The following RHPN2 variants were observed in gnomAD, a reference collection of about 807,000 sequenced individuals.
RHPN2 encodes rhophilin-2.
In RHPN2, 40 loss-of-function variants were observed where a neutral mutation model predicts 79.0. The observed-to-expected ratio is 0.51, with a 90% confidence interval of 0.39 to 0.66. The LOEUF (loss-of-function observed/expected upper bound fraction) is 0.66. RHPN2 is among the 30% of genes least tolerant of loss of function. The pLI, the probability that RHPN2 is intolerant of heterozygous loss-of-function variation, is 0.00. For synonymous variants in RHPN2, 285 were observed against 363.5 expected, an observed-to-expected ratio of 0.78 and a Z score of 2.46; for missense variants, 686 against 883.5, an observed-to-expected ratio of 0.78 and a Z score of 2.83.
intron 7 of RHPN2, among the ~76,000 whole-genome samples, chr19:33,003,994 C>A (rs538718499): frequency 6.6e-6 from 1 of 152,278 alleles, no homozygotes; most frequent in African/African-American, 2.4e-5. Context: ...GGGCAACGTA[C>A]TGAGACCCCT....
chr19:33,009,107 G>T (rs12975292), intron 6 of RHPN2, among the ~76,000 whole-genome samples: 1 of 151,768 alleles, frequency 6.6e-6, no homozygotes, highest in African/African-American at 2.4e-5. Flanking sequence ...AGGACTTAGG[G>T]GGAGGGAGGG....
chr19:32,996,187 T>C lies in RHPN2; in HGVS notation c.1259A>G (p.His420Arg), dbSNP rs1474675667. ...GCTGGCCTCCCGCACCGACTCCTCG[T>C]GATGAGCCATGGCTCTGCGCAAGTG... ...KSHLRRAMAHHEESVREASLC... is the reference protein window; with the variant it reads ...KSHLRRAMAHREESVREASLC... Residue 420 changes from histidine (H) to arginine (R), a missense_variant, in exon 11 of 15, where the codon CAC (histidine) becomes CGC (arginine). His to Arg is a conservative substitution (Grantham distance 29). Transcript: ENST00000254260. The C allele has an allele frequency of 1.2e-6, 2 of 1,614,104 alleles. No homozygotes were observed. The highest frequency in any genetic ancestry group is 3.3e-5 in the Admixed American group (2 of 59,998).
chr19:33,003,992 T>G (rs1352049803), intron 7 of RHPN2, among the ~76,000 whole-genome samples: 1 of 152,178 alleles, frequency 6.6e-6, no homozygotes, highest in Non-Finnish European at 1.5e-5. Context: ...CTGGGCAACG[T>G]ACTGAGACCC....
At chr19:33,056,451 G>C (rs981418053) in intron 1 of RHPN2, among the ~76,000 whole-genome samples, 3 of 152,040 alleles carry the variant, frequency 2.0e-5, no homozygotes, top group Admixed American at 1.3e-4. Flanking sequence ...AGATTTTCCT[G>C]TGAGTTTTAG....
intron 7 of RHPN2, among the ~76,000 whole-genome samples, chr19:33,005,578 C>T (rs1971783657): frequency 7.1e-6 from 1 of 141,632 alleles, no homozygotes; most frequent in Admixed American, 7.4e-5. Context: ...GAATCCCATC[C>T]AACTGGTTCC....
intron 7 of RHPN2, among the ~76,000 whole-genome samples, chr19:33,003,357 C>CA (rs56166279): frequency 0.021 from 1,375 of 66,444 alleles, 30 homozygotes; most frequent in African/African-American, 0.041. Context: ...GACTCTGTCT[C>CA]AAAAAAAAAA....
intron 13 of RHPN2, 30 bp from the exon 14 acceptor site, chr19:32,990,699 C>T (rs541569445): frequency 5.0e-5 from 81 of 1,613,480 alleles, no homozygotes; most frequent in Middle Eastern, 3.3e-4. Flanking sequence ...ATTAAGTCAA[C>T]GTTTTGTTCA....
chr19:33,048,189 G>A (rs1209829932), intron 1 of RHPN2, among the ~76,000 whole-genome samples: 1 of 151,576 alleles, frequency 6.6e-6, no homozygotes, highest in Non-Finnish European at 1.5e-5. Context: ...CTGAGTAGCT[G>A]GAATTACAGG....
chr19:33,033,306 C>A (rs373952466), intron 2 of RHPN2, among the ~76,000 whole-genome samples: 1 of 152,144 alleles, frequency 6.6e-6, no homozygotes, highest in Admixed American at 6.6e-5. Flanking sequence ...AGGTTCACAC[C>A]TGTAATCCCA....
chr19:33,020,653 C>T (rs926042347), intron 4 of RHPN2, among the ~76,000 whole-genome samples: 1 of 152,142 alleles, frequency 6.6e-6, no homozygotes, highest in African/African-American at 2.4e-5. Context: ...GTGTGCACCA[C>T]CACGTCCAGC....
chr19:33,062,783 A>G (rs1156999355), intron 1 of RHPN2, among the ~76,000 whole-genome samples: 1 of 138,766 alleles, frequency 7.2e-6, no homozygotes, highest in African/African-American at 3.1e-5. Context: ...AATAATAATA[A>G]TAATAATAAT....
chr19:33,024,341 G>A (rs1285985630), intron 3 of RHPN2, among the ~76,000 whole-genome samples: 1 of 152,180 alleles, frequency 6.6e-6, no homozygotes, highest in Non-Finnish European at 1.5e-5. Context: ...GCTGAGGCAG[G>A]AGGATTGCTT....
intron 9 of RHPN2, 41 bp downstream of exon 9, chr19:33,002,206 A>G: frequency 6.2e-7 from 1 of 1,604,280 alleles, no homozygotes; most frequent in East Asian, 2.2e-5. Context: ...GGGCAGCTGG[A>G]CCACAGCCCT....
chr19:33,034,038 A>ATTTTAGTTTTTTTTT (rs1351731517), intron 2 of RHPN2, among the ~76,000 whole-genome samples: 1 of 151,246 alleles, frequency 6.6e-6, no homozygotes, highest in African/African-American at 2.4e-5. Context: ...TTTTTTTTTA[A>ATTTTAGTTTTTTTTT]TAGAGTCAGG....
At chr19:33,021,066 C>G (rs1971920203) in intron 4 of RHPN2, among the ~76,000 whole-genome samples, 1 of 152,104 alleles carries the variant, frequency 6.6e-6, no homozygotes, top group Non-Finnish European at 1.5e-5. Flanking sequence ...AAAAAATACA[C>G]TATTAATAAA....
At chr19:33,049,832 G>A (rs1462975704) in intron 1 of RHPN2, among the ~76,000 whole-genome samples, 1 of 152,134 alleles carries the variant, frequency 6.6e-6, no homozygotes, top group African/African-American at 2.4e-5. Context: ...AGTAAAAGTT[G>A]GGGTGGGATT....
intron 4 of RHPN2, among the ~76,000 whole-genome samples, chr19:33,015,002 G>T (rs1370540929): frequency 6.6e-6 from 1 of 152,018 alleles, no homozygotes; most frequent in African/African-American, 2.4e-5. Flanking sequence ...AGGCTGCAGT[G>T]AGCCATGATC....
At position 33,061,000 on chromosome 19, in the gene RHPN2, T is replaced by C. The variant is rs907903022; in HGVS notation, c.69+3784A>G. Among the ~76,000 whole-genome samples the C allele has an allele frequency of 2.0e-5, 3 of 152,130 alleles. No individual in the cohort carries two copies. The East Asian group carries it at 5.8e-4, about 29-fold the overall frequency. The stretch of plus-strand genomic sequence containing the variant: ...ACCATTCACGTGTCAAAGCGGTCTT[T>C]TTCTTACACAAATCTCACAGGTCTG... On this transcript the variant is annotated intron_variant, in intron 1 of 14. Coordinates refer to ENST00000254260, the MANE Select transcript of RHPN2 (RefSeq NM_033103.5).
intron 1 of RHPN2, among the ~76,000 whole-genome samples, chr19:33,047,586 T>A (rs1039134462): frequency 2.6e-5 from 4 of 152,162 alleles, no homozygotes; most frequent in African/African-American, 4.8e-5. Context: ...GTGAAGAGAC[T>A]GCCCTTTCTC....
Sources: allele counts gnomAD v4.1 joint callset (sites outside exome capture counted in the v4.1 genomes callset), GRCh38; gene constraint gnomAD v4.1.1; transcripts MANE v1.5; gene names NCBI Gene and HGNC (gene_info 2026-07-23, HGNC 2026-07-21).